The following GMDS variants were observed in gnomAD, a reference collection of about 807,000 sequenced individuals.
GMDS encodes GDP-mannose 4,6 dehydratase.
Under a neutral mutation model 49.9 loss-of-function variants are expected in GMDS, and 20 were observed. The ratio of observed to expected loss-of-function variants is 0.40; its 90% CI spans 0.28 to 0.58. The LOEUF (loss-of-function observed/expected upper bound fraction) is 0.58, where lower values mean the gene tolerates loss of function less well. GMDS is among the 20% of genes least tolerant of loss of function. The pLI, the probability that GMDS is intolerant of heterozygous loss-of-function variation, is 0.42. For synonymous variants in GMDS, 177 were observed against 178.6 expected (o/e 0.99, Z 0.07); for missense variants, 362 against 481.4 (o/e 0.75, Z 2.32).
chr6:2,199,517 T>C (rs1254868162), intron 1 of GMDS, among the ~76,000 whole-genome samples: 6 of 152,160 alleles, frequency 3.9e-5, no homozygotes, highest in Admixed American at 2.0e-4. Flanking sequence ...CCCCACTCAC[T>C]GCTCCCTCCC....
chr6:1,896,338 T>C (rs962663646), intron 7 of GMDS, among the ~76,000 whole-genome samples: 1 of 152,176 alleles, frequency 6.6e-6, no homozygotes, highest in Non-Finnish European at 1.5e-5. Flanking sequence ...CTTTGGGACA[T>C]GTTTGTTTAT....
At chr6:1,897,383 C>T (rs565176414) in intron 7 of GMDS, among the ~76,000 whole-genome samples, 2 of 152,270 alleles carry the variant, frequency 1.3e-5, no homozygotes, top group South Asian at 4.1e-4. Context: ...TGGGGGTTAG[C>T]ATTTCAACAT....
intron 7 of GMDS, among the ~76,000 whole-genome samples, chr6:1,750,093 A>C (rs1342956236): frequency 6.6e-6 from 1 of 152,192 alleles, no homozygotes; most frequent in Non-Finnish European, 1.5e-5. Flanking sequence ...GGCCTCCCAA[A>C]GGGCTGGGAC....
At chr6:2,204,543 T>C (rs1272791802) in intron 1 of GMDS, among the ~76,000 whole-genome samples, 1 of 152,240 alleles carries the variant, frequency 6.6e-6, no homozygotes, top group East Asian at 1.9e-4. Context: ...CAGTAGCTAC[T>C]AACCACAAGT....
chr6:2,127,989 T>C lies in GMDS; in HGVS notation c.103-3258A>G, dbSNP rs115759713. The stretch of plus-strand genomic sequence containing the variant: ...CAGTATGAACACAATTATTCTGGTA[T>C]AAAGTCCTGCCTAGGTTCAATCCTT... On this transcript the variant is annotated intron_variant, in intron 1 of 10. Coordinates refer to ENST00000380815, the MANE Select transcript of GMDS (RefSeq NM_001500.4). Among the ~76,000 whole-genome samples the C allele has an allele frequency of 5.5e-3, 835 of 152,338 alleles. 2 individuals carry two copies. The highest frequency in any genetic ancestry group is 0.017 in the Middle Eastern group (5 of 294).
intron 1 of GMDS, among the ~76,000 whole-genome samples, chr6:2,138,913 T>G (rs1169267120): frequency 6.6e-6 from 1 of 152,188 alleles, no homozygotes; most frequent in Non-Finnish European, 1.5e-5. Flanking sequence ...TCTCTTTGTG[T>G]TCCCACTGCT....
intron 4 of GMDS, among the ~76,000 whole-genome samples, chr6:2,049,233 T>G (rs981511345): frequency 2.6e-4 from 40 of 152,188 alleles, no homozygotes; most frequent in African/African-American, 9.2e-4. Flanking sequence ...TTCCAGTAAT[T>G]TATCTATAGA....
At chr6:1,804,113 C>A (rs1770065235) in intron 7 of GMDS, among the ~76,000 whole-genome samples, 1 of 152,330 alleles carries the variant, frequency 6.6e-6, no homozygotes, top group African/African-American at 2.4e-5. Context: ...GAAACTTTAA[C>A]CATTAATTTG....
intron 1 of GMDS, 83 bp downstream of exon 1, chr6:2,245,238 C>T: frequency 3.1e-6 from 3 of 970,780 alleles, no homozygotes; most frequent in Non-Finnish European, 4.7e-6. Flanking sequence ...CCTGGAGAGA[C>T]CGCAGCCCAC....
At chr6:1,693,488 A>C (rs1365327953) in intron 9 of GMDS, among the ~76,000 whole-genome samples, 2 of 152,250 alleles carry the variant, frequency 1.3e-5, no homozygotes, top group Non-Finnish European at 2.9e-5. Context: ...GGGTACTCGA[A>C]GGGCTCACCT....
At chr6:2,006,814 C>T (rs866768791) in intron 4 of GMDS, among the ~76,000 whole-genome samples, 10 of 152,070 alleles carry the variant, frequency 6.6e-5, no homozygotes, top group African/African-American at 2.4e-4. Context: ...TATATGAATA[C>T]AAAATATACG....
At position 1,913,954 on chromosome 6, in the gene GMDS, C is replaced by T. The variant is rs542306131; in HGVS notation, c.771+16149G>A. 2.6e-4 allele frequency among the ~76,000 whole-genome samples: 39 copies of T among 151,988 alleles called. No individual in the cohort carries two copies. The South Asian group carries it at 4.8e-3, about 19-fold the overall frequency. On this transcript the variant is annotated intron_variant, in intron 7 of 10. Coordinates refer to ENST00000380815, the MANE Select transcript of GMDS (RefSeq NM_001500.4). ...CCATCTACATCAGTGAGTGGATGTA[C>T]GGGGGGAAAGGAAAAAATAATACAG...
chr6:2,206,939 G>A (rs891849374), intron 1 of GMDS, among the ~76,000 whole-genome samples: 2 of 152,172 alleles, frequency 1.3e-5, no homozygotes, highest in Non-Finnish European at 2.9e-5. Flanking sequence ...GCACAGGGGT[G>A]AACTACTGAA....
At chr6:1,893,645 G>C (rs534294131) in intron 7 of GMDS, among the ~76,000 whole-genome samples, 102 of 152,272 alleles carry the variant, frequency 6.7e-4, no homozygotes, top group African/African-American at 2.4e-3. Context: ...GCTAAATCGG[G>C]AAAGCTGAGG....
At chr6:2,033,494 G>T (rs1769095471) in intron 4 of GMDS, among the ~76,000 whole-genome samples, 1 of 152,148 alleles carries the variant, frequency 6.6e-6, no homozygotes. Flanking sequence ...CTTTATCACT[G>T]AACCAAATAG....
chr6:1,952,229 C>T (rs969495718), intron 6 of GMDS: 12 of 152,550 alleles, frequency 7.9e-5, no homozygotes, highest in African/African-American at 2.9e-4. Flanking sequence ...TGGCTGCTCC[C>T]TAGAAGCTCT....
chr6:1,971,724 A>C (rs1764625299), intron 4 of GMDS, among the ~76,000 whole-genome samples: 1 of 152,156 alleles, frequency 6.6e-6, no homozygotes, highest in Non-Finnish European at 1.5e-5. Context: ...ATGGCTTTCC[A>C]TCTCTCACCC....
In GMDS at chr6:2,000,775, C is replaced by T. The variant is rs144537323; in HGVS notation, c.346-39809G>A. Among the ~76,000 whole-genome samples the T allele has an allele frequency of 1.0e-3, 153 of 152,302 alleles. 1 individual carries two copies. The highest frequency in any genetic ancestry group is 2.9e-3 in the African/African-American group (121 of 41,560). On this transcript the variant is annotated intron_variant, in intron 4 of 10. Transcript: ENST00000380815. ...CTCATGGGCTCAAGTGGTTCTCCCACCTTAGCCTCCCAAGTAACTGGAACT... is the reference window on the plus strand; with the variant it reads ...CTCATGGGCTCAAGTGGTTCTCCCATCTTAGCCTCCCAAGTAACTGGAACT...
chr6:1,995,314 G>A (rs898521974), intron 4 of GMDS, among the ~76,000 whole-genome samples: 2 of 152,198 alleles, frequency 1.3e-5, no homozygotes, highest in Admixed American at 6.5e-5. Context: ...CTACTCCTCT[G>A]CTAGCTACAG....
Sources: allele counts gnomAD v4.1 joint callset (sites outside exome capture counted in the v4.1 genomes callset), GRCh38; gene constraint gnomAD v4.1.1; transcripts MANE v1.5; gene names NCBI Gene and HGNC (gene_info 2026-07-23, HGNC 2026-07-21).